Variants in SKIL observed in about 807,000 individuals in gnomAD.
SKIL encodes the protein SKI like proto-oncogene.
SKIL carries 20 observed loss-of-function variants against 69.6 expected under a neutral mutation model. That is an observed-to-expected ratio of 0.29 (90% confidence interval 0.20 to 0.42). The LOEUF is 0.42. Among genes scored for constraint, SKIL ranks in the 10% least tolerant of loss-of-function variants. The probability of loss-of-function intolerance (pLI) is 1.00; values close to 1 mark genes in which losing one functional copy is unlikely to be tolerated. For synonymous variants in SKIL, 310 were observed against 279.9 expected (o/e 1.11, Z -1.08); for missense variants, 745 against 783.1 (o/e 0.95, Z 0.58).
intron 3 of SKIL, among the ~76,000 whole-genome samples, chr3:170,382,039 G>A (rs553444333): frequency 4.0e-5 from 6 of 151,816 alleles, no homozygotes; most frequent in African/African-American, 1.2e-4. Flanking sequence ...CCGAGATCGC[G>A]TCATTGCACT....
chr3:170,360,179 G>A lies in SKIL; in HGVS notation c.-153G>A. ...TTATAAGGAGAACCAAAACTAAGTC[G>A]CAAAATTTATTAATTTAAGGGGCTC... On this transcript the variant is annotated 5_prime_UTR_variant, in exon 2 of 7. Coordinates refer to ENST00000259119, the MANE Select transcript of SKIL (RefSeq NM_005414.5). 1 of 716,974 alleles carries A rather than the reference G, an allele frequency of 1.4e-6. No individual in the cohort carries two copies. The highest frequency in any genetic ancestry group is 2.2e-6 in the Non-Finnish European group (1 of 448,380). The allele number at this position is 716,974 out of a possible 1,614,324, so 44.4% of individuals were successfully genotyped here.
chr3:170,371,092 A>G (rs1736781143), intron 2 of SKIL, among the ~76,000 whole-genome samples: 1 of 152,226 alleles, frequency 6.6e-6, no homozygotes, highest in Non-Finnish European at 1.5e-5. Context: ...AAAGAAGAAA[A>G]CACAATTTCC....
chr3:170,384,321 C>CA (rs1314881471), intron 3 of SKIL, among the ~76,000 whole-genome samples: 2 of 152,032 alleles, frequency 1.3e-5, no homozygotes, highest in Non-Finnish European at 2.9e-5. Flanking sequence ...TGCAAACTAA[C>CA]AAAAAATCCC....
At chr3:170,383,632 G>A (rs749780635) in intron 3 of SKIL, among the ~76,000 whole-genome samples, 32 of 152,288 alleles carry the variant, frequency 2.1e-4, no homozygotes, top group Middle Eastern at 3.4e-3. Flanking sequence ...TTTATCAAAT[G>A]AGTAGGAAGT....
chr3:170,372,367 A>G (rs1736836901), intron 2 of SKIL, among the ~76,000 whole-genome samples: 4 of 152,190 alleles, frequency 2.6e-5, no homozygotes, highest in African/African-American at 9.7e-5. Context: ...AGCCTGTGGA[A>G]ACAGCTGCCA....
intron 4 of SKIL, chr3:170,384,989 G>A (rs1297689316): frequency 6.3e-6 from 2 of 318,838 alleles, no homozygotes; most frequent in Non-Finnish European, 1.1e-5. Flanking sequence ...CAGGCTACCT[G>A]GCCTCAGACT....
At chr3:170,386,224 A>G (rs1207315661) in intron 4 of SKIL, among the ~76,000 whole-genome samples, 1 of 149,110 alleles carries the variant, frequency 6.7e-6, no homozygotes, top group Admixed American at 6.7e-5. Context: ...TCCGCCTCCC[A>G]GGTTCAAGTG....
intron 4 of SKIL, among the ~76,000 whole-genome samples, chr3:170,386,615 G>C (rs1321654405): frequency 1.3e-5 from 2 of 151,866 alleles, no homozygotes; most frequent in Admixed American, 1.3e-4. Context: ...CTACAGGCAT[G>C]TGCCACTGCG....
Position 170,396,152 on chromosome 3 carries a change from A to G in SKIL, c.*3735A>G, listed in dbSNP as rs1310189441. On this transcript the variant is annotated 3_prime_UTR_variant, in exon 7 of 7. Coordinates refer to ENST00000259119, the MANE Select transcript of SKIL (RefSeq NM_005414.5). ...TTAGAAAGTGATCAAATGTAAGAAA[A>G]AAATTTAAAAATTCAGCCCAGAAAA... The G allele has an allele frequency of 2.0e-5, 3 of 152,062 alleles. No individual in the cohort carries two copies. Among genetic ancestry groups the G allele is most frequent in the African/African-American group, 7.2e-5 (3 of 41,456 alleles). The allele number at this position is 152,062 out of a possible 1,614,324, so 9.4% of individuals were successfully genotyped here.
chr3:170,366,696 G>GACAAACAGACAC (rs1553852252), intron 2 of SKIL, among the ~76,000 whole-genome samples: 1 of 147,580 alleles, frequency 6.8e-6, no homozygotes, highest in Non-Finnish European at 1.5e-5. Context: ...CACACACACA[G>GACAAACAGACAC]ACACACACAC....
chr3:170,376,454 C>T (rs550039884), intron 2 of SKIL, among the ~76,000 whole-genome samples: 86 of 152,240 alleles, frequency 5.6e-4, no homozygotes, highest in African/African-American at 2.0e-3. Context: ...ACCCGTTAAG[C>T]TACTTTTTAA....
intron 1 of SKIL, among the ~76,000 whole-genome samples, chr3:170,359,304 A>C (rs945697710): frequency 6.6e-6 from 1 of 152,244 alleles, no homozygotes; most frequent in African/African-American, 2.4e-5. Context: ...AAGATTAAGA[A>C]ACTGATTTCG....
In SKIL at chr3:170,359,926, T is replaced by C. The variant is rs561473613; in HGVS notation, c.-406T>C. ...ATTTTGACTTGTGTTTGAGTCTAGA[T>C]TTTATGGCACAAGGAATGGCATAAA... On this transcript the variant is annotated 5_prime_UTR_variant, in exon 2 of 7. Coordinates refer to ENST00000259119, the MANE Select transcript of SKIL (RefSeq NM_005414.5). The C allele has an allele frequency of 9.9e-4, 155 of 156,530 alleles. 1 individual carries two copies. Among genetic ancestry groups the C allele is most frequent in the African/African-American group, 3.3e-3 (138 of 41,670 alleles). 9.7% of individuals were successfully genotyped at this position (156,530 alleles called of 1,614,324 possible).
Position 170,361,387 on chromosome 3 carries a change from G to A in SKIL, c.1056G>A (p.Lys352=), listed in dbSNP as rs774617317. ...TGAAGATAATTTTAGAAGAAATGAA[G>A]GAGAAGTTTAGCATGAGAAGTGGAA... ...KKLKIILEEM[K]EKFSMRSGKR... The change falls in exon 2 of 7, where the codon AAG becomes AAA. Residue 352 remains lysine (K), a synonymous_variant. Coordinates refer to ENST00000259119, the MANE Select transcript of SKIL (RefSeq NM_005414.5). 1.3e-6 allele frequency: 2 copies of A among 1,599,010 alleles called. No individual in the cohort carries two copies. The highest frequency in any genetic ancestry group is 1.8e-5 in the Admixed American group (1 of 55,696).
intron 6 of SKIL, 67 bp from the exon 7 acceptor site, chr3:170,392,192 C>A: frequency 8.0e-7 from 1 of 1,248,262 alleles, no homozygotes; most frequent in South Asian, 1.6e-5. Context: ...TAGATATTTT[C>A]TATGATATGA....
At chr3:170,358,127 G>T (rs911273167) in intron 1 of SKIL, among the ~76,000 whole-genome samples, 1 of 152,160 alleles carries the variant, frequency 6.6e-6, no homozygotes, top group East Asian at 1.9e-4. Flanking sequence ...CCCTGGTCTC[G>T]ACCCGGTCCG....
Position 170,390,317 on chromosome 3 carries a change from T to C in SKIL, c.1524T>C (p.Leu508=). ...VRDINKVGIG[L]VAAASSPLLV... is the part of the protein sequence containing the mutation. ...ACATAAACAAAGTGGGAATTGGCCT[T>C]GTTGCTGCCGCTTCATCTCCGCTTC... The change falls in exon 5 of 7, where the codon CTT becomes CTC. Residue 508 remains leucine, a synonymous_variant. Transcript: ENST00000259119. 4 of 1,614,132 alleles carry C rather than the reference T, an allele frequency of 2.5e-6. No individual in the cohort carries two copies. The highest frequency in any genetic ancestry group is 1.6e-4 in the Middle Eastern group (1 of 6,062).
rs974800740 is a variant in SKIL, at chr3:170,395,272, A to T, written c.*2855A>T. On this transcript the variant is annotated 3_prime_UTR_variant, in exon 7 of 7. Coordinates refer to ENST00000259119, the MANE Select transcript of SKIL (RefSeq NM_005414.5). ...AAATTTCACAAATGTAACTTATAAC[A>T]CTATGAAAAGATTTGACCAACAATT... The T allele has an allele frequency of 6.6e-6, 1 of 152,108 alleles. No individual in the cohort carries two copies. Among genetic ancestry groups the T allele is most frequent in the Non-Finnish European group, 1.5e-5 (1 of 67,966 alleles). 9.4% of individuals were successfully genotyped at this position (152,108 alleles called of 1,614,324 possible).
In SKIL at chr3:170,390,327, G is replaced by A. The variant is rs373100959; in HGVS notation, c.1534G>A (p.Ala512Thr). Residue 512 changes from alanine (A) to threonine (T), a missense_variant, in exon 5 of 7, where the codon GCT becomes ACT. By Grantham distance (58) the Ala-to-Thr change is moderately conservative. Coordinates refer to ENST00000259119, the MANE Select transcript of SKIL (RefSeq NM_005414.5). ...AGTGGGAATTGGCCTTGTTGCTGCC[G>A]CTTCATCTCCGCTTCTTGTGAAAGA... ...NKVGIGLVAA[A>T]SSPLLVKDVI... The A allele has an allele frequency of 1.4e-5, 23 of 1,613,900 alleles. No homozygotes were observed. Among genetic ancestry groups the A allele is most frequent in the Non-Finnish European group, 1.8e-5 (21 of 1,179,970 alleles).
Sources: gnomAD v4.1 joint callset for allele counts (sites outside exome capture counted in the v4.1 genomes callset) on GRCh38, gnomAD v4.1.1 for gene constraint, MANE v1.5 for transcripts, NCBI Gene and HGNC (gene_info 2026-07-23, HGNC 2026-07-21) for gene names.